The following SOS2 variants were observed in gnomAD, a reference collection of about 807,000 sequenced individuals.
SOS2 encodes SOS Ras/Rho guanine nucleotide exchange factor 2.
A neutral mutation model predicts 148.2 loss-of-function variants in SOS2; 65 were observed. The ratio of observed to expected loss-of-function variants is 0.44; its 90% confidence interval spans 0.36 to 0.54. The LOEUF is 0.54. SOS2 is among the 20% of genes least tolerant of loss of function. The pLI is 0.00. For synonymous variants in SOS2, 539 were observed against 537.1 expected (o/e 1.00, Z -0.05); for missense variants, 1,341 against 1,590.2 (o/e 0.84, Z 2.67).
intron 16 of SOS2, among the ~76,000 whole-genome samples, chr14:50,144,491 G>A (rs1449229261): frequency 3.9e-5 from 6 of 152,052 alleles, no homozygotes; most frequent in Non-Finnish European, 5.9e-5. Context: ...AGCCTGGAGT[G>A]CAGTGGTGTG....
At chr14:50,183,990 C>A (rs1885829130) in intron 5 of SOS2, among the ~76,000 whole-genome samples, 1 of 152,136 alleles carries the variant, frequency 6.6e-6, no homozygotes, top group Non-Finnish European at 1.5e-5. Flanking sequence ...GGGCTACAAA[C>A]CTGTACAGCA....
chr14:50,168,195 G>C (rs1409184829), intron 8 of SOS2, among the ~76,000 whole-genome samples: 1 of 152,138 alleles, frequency 6.6e-6, no homozygotes, highest in Non-Finnish European at 1.5e-5. Context: ...AAATGAGAGA[G>C]TTAACATGTC....
Position 50,145,496 on chromosome 14 carries a change from G to A in SOS2, c.2485C>T (p.Leu829Phe), listed in dbSNP as rs1884438794. The A allele has an allele frequency of 6.2e-7, 1 of 1,604,826 alleles. No individual in the cohort carries two copies. Among genetic ancestry groups the A allele is most frequent in the Non-Finnish European group, 8.5e-7 (1 of 1,173,444 alleles). The change falls in exon 15 of 23, where the codon CTC becomes TTC. Residue 829 changes from leucine (L) to phenylalanine (F), a missense_variant. By Grantham distance (22) the Leu-to-Phe change is conservative. This residue lies in a region of SOS2 where 408 missense variants were observed against 506.6 expected (regional missense o/e 0.81). Coordinates refer to ENST00000216373, the MANE Select transcript of SOS2 (RefSeq NM_006939.4). Reference sequence around the variant, plus strand: ...ACTTACTTTTCAAACCAGAGGGTGAGATTTGTGGTATGGCGAATCATTTTT... The same window carrying A: ...ACTTACTTTTCAAACCAGAGGGTGAAATTTGTGGTATGGCGAATCATTTTT... ...LLKMIRHTTN[L>F]TLWFEKCIVE...
chr14:50,159,823 C>G lies in SOS2; in HGVS notation c.1460G>C (p.Arg487Thr). ...CCTCATGACAAATTTTTCTTTTAACCTGTATTCTGCACTACTGTAACCTGG... is the reference window on the plus strand; with the variant it reads ...CCTCATGACAAATTTTTCTTTTAACGTGTATTCTGCACTACTGTAACCTGG... ...RLPGYSSAEY[R>T]LKEKFVMRKI... Residue 487 changes from arginine to threonine, a missense_variant, in exon 10 of 23, where the codon AGG (arginine) becomes ACG (threonine). Physicochemically the swap from Arg to Thr is moderately conservative, Grantham distance 71 (BLOSUM62 -1). This residue lies in a region of SOS2 where 574 missense variants were observed against 711.1 expected (regional missense o/e 0.81). Coordinates refer to ENST00000216373, the MANE Select transcript of SOS2 (RefSeq NM_006939.4). 1 of 1,614,014 alleles carries G rather than the reference C, an allele frequency of 6.2e-7. No individual in the cohort carries two copies. Among genetic ancestry groups the G allele is most frequent in the Non-Finnish European group, 8.5e-7 (1 of 1,179,994 alleles).
rs781687371 is a variant in SOS2 at position 50,159,668 on chromosome 14, G to A, written c.1615C>T (p.Leu539Phe). The change falls in exon 10 of 23, where the codon CTT becomes TTT. Residue 539 changes from leucine to phenylalanine, a missense_variant. Coordinates refer to ENST00000216373, the MANE Select transcript of SOS2 (RefSeq NM_006939.4). ...AEEKNNWMAA[L>F]ISLHYRSTLD... Reference sequence around the variant, plus strand: ...GTACTACGATAATGAAGAGAAATAAGGGCTGCCATCCAGTTGTTTTTTTCT... The same window carrying A: ...GTACTACGATAATGAAGAGAAATAAAGGCTGCCATCCAGTTGTTTTTTTCT... The A allele has an allele frequency of 2.9e-5, 46 of 1,613,854 alleles. No homozygotes were observed. Among genetic ancestry groups the A allele is most frequent in the Non-Finnish European group, 3.7e-5 (44 of 1,179,970 alleles).
chr14:50,138,881 G>T, intron 17 of SOS2, 97 bp from the exon 18 acceptor site: 1 of 535,240 alleles, frequency 1.9e-6, no homozygotes, highest in Non-Finnish European at 3.2e-6. Flanking sequence ...AAAGTTGAAA[G>T]ACATCCTATA....
intron 8 of SOS2, among the ~76,000 whole-genome samples, chr14:50,163,585 G>A (rs1337987958): frequency 6.6e-6 from 1 of 152,084 alleles, no homozygotes; most frequent in Non-Finnish European, 1.5e-5. Flanking sequence ...TAGAAAGGAT[G>A]GAAGCAAAGT....
At chr14:50,210,929 C>T (rs1258228809) in intron 1 of SOS2, among the ~76,000 whole-genome samples, 1 of 152,090 alleles carries the variant, frequency 6.6e-6, no homozygotes, top group East Asian at 1.9e-4. Flanking sequence ...CGATCACACA[C>T]TGCTACTGGA....
chr14:50,133,239 T>C (rs1883953327), intron 19 of SOS2, among the ~76,000 whole-genome samples: 1 of 87,512 alleles, frequency 1.1e-5, no homozygotes, highest in Non-Finnish European at 2.3e-5. Flanking sequence ...TTTTTTCTTT[T>C]TTCTTTTTTC....
intron 12 of SOS2, chr14:50,156,175 G>A (rs1884811097): frequency 6.6e-6 from 1 of 151,954 alleles, no homozygotes; most frequent in Admixed American, 6.6e-5. Context: ...TCCAATGGAA[G>A]GAGGAAGATA....
chr14:50,167,232 T>A (rs548345661), intron 8 of SOS2, among the ~76,000 whole-genome samples: 1 of 152,228 alleles, frequency 6.6e-6, no homozygotes, highest in African/African-American at 2.4e-5. Context: ...AAAATCCTCT[T>A]TATGGTCTTT....
chr14:50,130,624 C>T lies in SOS2; in HGVS notation c.3214G>A (p.Ala1072Thr). 6.2e-7 allele frequency: 1 copy of T among 1,614,156 alleles called. No homozygotes were observed. The highest frequency in any genetic ancestry group is 8.5e-7 in the Non-Finnish European group (1 of 1,180,018). Residue 1072 changes from alanine to threonine, a missense_variant, in exon 20 of 23, where the codon GCT becomes ACT. Ala to Thr is a moderately conservative substitution (Grantham distance 58, BLOSUM62 0). This residue lies in a region of SOS2 where 354 missense variants were observed against 347.7 expected (regional missense o/e 1.02). Coordinates refer to ENST00000216373, the MANE Select transcript of SOS2 (RefSeq NM_006939.4). ...EPCKISFSRI[A>T]ETELESTVSA... ...ACTGTTGATTCCAGCTCAGTTTCAG[C>T]AATCCGACTAAAGCTTATTTTACAT...
At chr14:50,160,776 G>A (rs779911442) in intron 9 of SOS2, among the ~76,000 whole-genome samples, 1 of 152,142 alleles carries the variant, frequency 6.6e-6, no homozygotes, top group Non-Finnish European at 1.5e-5. Context: ...AAAGCAGGCA[G>A]ATCACCTGAG....
intron 1 of SOS2, among the ~76,000 whole-genome samples, chr14:50,209,479 T>G (rs922920200): frequency 6.6e-6 from 1 of 151,984 alleles, no homozygotes; most frequent in African/African-American, 2.4e-5. Context: ...GCAAACAAAA[T>G]TTTTAGGCCA....
intron 1 of SOS2, among the ~76,000 whole-genome samples, chr14:50,225,818 G>A (rs1217600445): frequency 6.6e-6 from 1 of 152,134 alleles, no homozygotes; most frequent in Non-Finnish European, 1.5e-5. Flanking sequence ...ATGTAAATGA[G>A]AACCCAACAG....
At position 50,221,490 on chromosome 14, in the gene SOS2, A is replaced by G. The variant is rs78895798; in HGVS notation, c.87+9707T>C. Among the ~76,000 whole-genome samples, 1,073 of 152,316 alleles carry G rather than the reference A, an allele frequency of 7.0e-3. 14 individuals are homozygous for G. The highest frequency in any genetic ancestry group is 0.024 in the African/African-American group (1,008 of 41,568). ...ACTAAGAAAGGCAGATCTCTCACTT[A>G]TCTTGAAATTCTCTATAGGATACAT... On this transcript the variant is annotated intron_variant, in intron 1 of 22. Coordinates refer to ENST00000216373, the MANE Select transcript of SOS2 (RefSeq NM_006939.4).
chr14:50,120,363 C>T lies in SOS2; in HGVS notation c.3401G>A (p.Gly1134Asp). 7 of 1,581,634 alleles carry T rather than the reference C, an allele frequency of 4.4e-6. No individual in the cohort carries two copies. Among genetic ancestry groups the T allele is most frequent in the Non-Finnish European group, 6.1e-6 (7 of 1,153,242 alleles). Reference sequence around the variant, plus strand: ...CTCTTCACTTAGTTTATGTAAACTACCACATGAACTAAAGAAAGACTCTGG... The same window carrying T: ...CTCTTCACTTAGTTTATGTAAACTATCACATGAACTAAAGAAAGACTCTGG... ...PHSKSFFSSC[G>D]SLHKLSEEPL... Residue 1134 changes from glycine to aspartate, a missense_variant, in exon 22 of 23, where the codon GGT becomes GAT. Physicochemically the swap from Gly to Asp is moderately conservative, Grantham distance 94 (BLOSUM62 -1). Transcript: ENST00000216373.
rs577647591 is a variant in SOS2, at chr14:50,148,295, A to G, written c.2384+1713T>C. ...CATGGTGGCACACACCTGTAATCCC[A>G]GCTACTCGGGAGGTTGAGGCATGAG... On this transcript the variant is annotated intron_variant, in intron 14 of 22. Transcript: ENST00000216373. 3.3e-5 allele frequency among the ~76,000 whole-genome samples: 5 copies of G among 151,940 alleles called. No homozygotes were observed. The South Asian group carries it at 1.0e-3, about 32-fold the overall frequency.
chr14:50,231,842 C>T (rs959397970), upstream of SOS2, among the ~76,000 whole-genome samples: 2 of 152,228 alleles, frequency 1.3e-5, no homozygotes, highest in Non-Finnish European at 2.9e-5. Context: ...GCGCGCACAG[C>T]GCTGGCCGCC....
Sources: allele counts gnomAD v4.1 joint callset (sites outside exome capture counted in the v4.1 genomes callset), GRCh38; gene constraint gnomAD v4.1.1; regional missense constraint gnomAD v4.1.1; transcripts MANE v1.5; gene names NCBI Gene and HGNC (gene_info 2026-07-23, HGNC 2026-07-21).